Variants in SNRPN observed in about 807,000 individuals in gnomAD.
SNRPN encodes small nuclear ribonucleoprotein-associated protein N.
SNRPN carries 7 observed loss-of-function variants against 25.2 expected under a neutral mutation model. The observed-to-expected ratio is 0.28, with a 90% CI of 0.16 to 0.52. The LOEUF (loss-of-function observed/expected upper bound fraction) is 0.52. Among genes scored for constraint, SNRPN ranks in the 20% least tolerant of loss-of-function variants. The pLI, the probability that SNRPN is intolerant of heterozygous loss-of-function variation, is 0.96. For missense variants in SNRPN, 196 were observed against 322.5 expected, an observed-to-expected ratio of 0.61 and a Z score of 3.00; for synonymous variants, 124 against 110.6, an observed-to-expected ratio of 1.12 and a Z score of -0.76.
rs536351078 is a variant in SNRPN at position 24,978,403 on chromosome 15, C to T, written c.686-4C>T. The T allele has an allele frequency of 6.2e-7, 1 of 1,613,978 alleles. No individual in the cohort carries two copies. Among genetic ancestry groups the T allele is most frequent in the African/African-American group, 1.3e-5 (1 of 75,018 alleles). On this transcript the variant is annotated splice_polypyrimidine_tract_variant and splice_region_variant and intron_variant, in intron 9 of 9. Coordinates refer to ENST00000390687, the MANE Select transcript of SNRPN (RefSeq NM_003097.6). The stretch of plus-strand genomic sequence containing the variant: ...TTTTCTCAATGTTTCTATTTCCTTT[C>T]CAGGTCCACCTCCCCCAGGAATGCG...
chr15:24,936,083 C>CG (rs1355139453), intron 3 of SNRPN, among the ~76,000 whole-genome samples: 1 of 151,930 alleles, frequency 6.6e-6, no homozygotes, highest in African/African-American at 2.4e-5. Flanking sequence ...CCACTGCACT[C>CG]CCGCCTGGGC....
intron 2 of SNRPN, among the ~76,000 whole-genome samples, chr15:24,917,841 A>G (rs2059629785): frequency 6.6e-6 from 1 of 152,260 alleles, no homozygotes; most frequent in Non-Finnish European, 1.5e-5. Flanking sequence ...CCTGTAAAAT[A>G]AGATTTTAAA....
At chr15:24,893,704 A>AC (rs932820403) in intron 2 of SNRPN, among the ~76,000 whole-genome samples, 6 of 151,946 alleles carry the variant, frequency 3.9e-5, no homozygotes, top group African/African-American at 1.4e-4. Flanking sequence ...CCCATTAAAA[A>AC]AAAATGTACC....
chr15:24,901,490 C>T (rs1370110807), intron 2 of SNRPN, among the ~76,000 whole-genome samples: 1 of 152,142 alleles, frequency 6.6e-6, no homozygotes, highest in Admixed American at 6.5e-5. Flanking sequence ...TGATACCACA[C>T]GGACCATGAA....
intron 2 of SNRPN, chr15:24,967,125 A>G (rs1255607991): frequency 6.6e-6 from 1 of 152,148 alleles, no homozygotes; most frequent in East Asian, 1.9e-4. Flanking sequence ...CTGGGGAGAA[A>G]GGATTGTTCA....
chr15:24,824,574 A>C (rs2049945093), intron 1 of SNRPN, among the ~76,000 whole-genome samples: 1 of 152,156 alleles, frequency 6.6e-6, no homozygotes, highest in Non-Finnish European at 1.5e-5. Flanking sequence ...ATATATTTTA[A>C]TAGTATCATC....
chr15:24,955,036 G>T lies in SNRPN; in HGVS notation c.-417G>T, dbSNP rs756341117. On this transcript the variant is annotated 5_prime_UTR_variant, in exon 1 of 10. Transcript: ENST00000390687. ...TGCCTGACGCATCTGTCTGAGGAGC[G>T]GTCAGTGACGCGATGGAGCGGGCAA... The T allele has an allele frequency of 5.0e-6, 8 of 1,613,110 alleles. No homozygotes were observed. Among genetic ancestry groups the T allele is most frequent in the Admixed American group, 1.7e-5 (1 of 60,024 alleles).
chr15:24,952,568 C>T (rs77738912), upstream of SNRPN, among the ~76,000 whole-genome samples: 807 of 152,202 alleles, frequency 5.3e-3, 5 homozygotes, highest in African/African-American at 0.018. Context: ...GCCCAGGACA[C>T]CCATTGTGAC....
intron 1 of SNRPN, among the ~76,000 whole-genome samples, chr15:24,874,208 G>C (rs113663491): frequency 0.072 from 10,794 of 150,468 alleles, 604 homozygotes; most frequent in Admixed American, 0.18. Flanking sequence ...TACTTGGGAG[G>C]CTGAGGCAGG....
intron 2 of SNRPN, among the ~76,000 whole-genome samples, chr15:24,888,322 G>A (rs1351680186): frequency 2.0e-5 from 3 of 151,930 alleles, no homozygotes; most frequent in African/African-American, 4.8e-5. Flanking sequence ...TGGCCAGGCT[G>A]GTCTCGAACT....
chr15:24,890,752 G>A lies in SNRPN; in HGVS notation c.-505+4163G>A, dbSNP rs560167269. Among the ~76,000 whole-genome samples, 6 of 152,166 alleles carry A rather than the reference G, an allele frequency of 3.9e-5. No individual in the cohort carries two copies. In the East Asian group the frequency reaches 1.2e-3, roughly 29 times the overall value. ...TGGCCTTTGCATCTTGATTTCTGAA[G>A]ACTCACATGTCATGTAAAACTTACG... On this transcript the variant is annotated intron_variant, in intron 2 of 11. Transcript: ENST00000400097.
Position 24,837,421 on chromosome 15 carries a change from G to T in SNRPN, c.-579+7516G>T, listed in dbSNP as rs183431020. Among the ~76,000 whole-genome samples the T allele has an allele frequency of 2.4e-3, 369 of 150,832 alleles. 4 individuals carry two copies. Among genetic ancestry groups the T allele is most frequent in the Middle Eastern group, 0.01 (3 of 294 alleles). ...CTCACTGTGTAGCCCAGGCTGGAGT[G>T]CAGTGGCTGCGATCTTGGCTCACTG... On this transcript the variant is annotated intron_variant, in intron 2 of 12. Transcript: ENST00000400100.
intron 1 of SNRPN, among the ~76,000 whole-genome samples, chr15:24,869,192 G>A (rs551676648): frequency 6.6e-6 from 1 of 152,148 alleles, no homozygotes; most frequent in South Asian, 2.1e-4. Context: ...ATATTGACAA[G>A]GTTTGGCTTA....
intron 1 of SNRPN, among the ~76,000 whole-genome samples, chr15:24,881,056 C>T (rs2056534588): frequency 6.6e-6 from 1 of 152,130 alleles, no homozygotes; most frequent in Non-Finnish European, 1.5e-5. Flanking sequence ...TTACATTTCA[C>T]TTTTATGAAC....
In SNRPN at chr15:24,868,919, T is replaced by C. The variant is rs79237035; in HGVS notation, c.-579+12203T>C. On this transcript the variant is annotated intron_variant, in intron 1 of 11. Coordinates refer to the SNRPN transcript ENST00000400097. ...TGGGAGGACGAGGTGGGAGGATCACTTGAGGCCAGGAGTTCCAGACTAGCC... is the reference window on the plus strand; with the variant it reads ...TGGGAGGACGAGGTGGGAGGATCACCTGAGGCCAGGAGTTCCAGACTAGCC... Among the ~76,000 whole-genome samples, 1,108 of 152,198 alleles carry C rather than the reference T, an allele frequency of 7.3e-3. 67 individuals carry two copies. In the East Asian group the frequency reaches 0.16, roughly 22 times the overall value.
rs527451487 is a variant in SNRPN at position 24,857,424 on chromosome 15, T to A, written c.-579+708T>A. 4.6e-5 allele frequency among the ~76,000 whole-genome samples: 7 copies of A among 152,298 alleles called. No homozygotes were observed. In the East Asian group the frequency reaches 7.7e-4, roughly 17 times the overall value. The stretch of plus-strand genomic sequence containing the variant: ...TGATTAATATTTTGGGTTTTTTTTA[T>A]GTTTTCAGTGAATCAAAAATATCAT... On this transcript the variant is annotated intron_variant, in intron 1 of 11. Transcript: ENST00000400097.
At chr15:24,894,742 G>A (rs1020653755) in intron 2 of SNRPN, among the ~76,000 whole-genome samples, 9 of 152,262 alleles carry the variant, frequency 5.9e-5, no homozygotes, top group African/African-American at 2.2e-4. Flanking sequence ...ACAGAGATCT[G>A]GGAGAGCTGA....
At chr15:24,836,487 CCACAAACTCT>C (rs1177195705) in intron 2 of SNRPN, among the ~76,000 whole-genome samples, 2,798 of 152,016 alleles carry the variant, frequency 0.018, 107 homozygotes, top group African/African-American at 0.064. Flanking sequence ...TCTCTGCTAA[CCACAAACTCT>C]GCGTCCCGTT....
rs1566921436 is a variant in SNRPN at position 24,927,475 on chromosome 15, A to ATTTTTTTTTTTTTTTTTTTTTTT, written c.-391+7351_-391+7352insTTTTTTTTTTTTTTTTTTTTTTT. Among the ~76,000 whole-genome samples, 5 of 113,322 alleles carry ATTTTTTTTTTTTTTTTTTTTTTT rather than the reference A, an allele frequency of 4.4e-5. 2 individuals are homozygous for ATTTTTTTTTTTTTTTTTTTTTTT. Among genetic ancestry groups the ATTTTTTTTTTTTTTTTTTTTTTT allele is most frequent in the East Asian group, 6.0e-4 (2 of 3,314 alleles). The allele number at this position is 113,322 out of a possible 152,430, so 74.3% of individuals were successfully genotyped here. ...TTTCCCACTGCTTATAAAGTTTTTA[A>ATTTTTTTTTTTTTTTTTTTTTTT]ATTTTTTTTTTTTTTTTTTTTTTTT... On this transcript the variant is annotated intron_variant, in intron 3 of 11. Coordinates refer to the SNRPN transcript ENST00000400097.
Sources: gnomAD v4.1 joint callset for allele counts (sites outside exome capture counted in the v4.1 genomes callset) on GRCh38, gnomAD v4.1.1 for gene constraint, MANE v1.5 for transcripts, NCBI Gene and HGNC (gene_info 2026-07-23, HGNC 2026-07-21) for gene names.